Variants in ADGRL2 observed in about 807,000 individuals in gnomAD.
ADGRL2 encodes adhesion G protein-coupled receptor L2.
Under a neutral mutation model 157.4 loss-of-function variants are expected in ADGRL2, and 44 were observed. That is an observed-to-expected ratio of 0.28 (90% CI 0.22 to 0.36). The LOEUF (loss-of-function observed/expected upper bound fraction) is 0.36, where lower values mean the gene tolerates loss of function less well. Ranked by LOEUF, ADGRL2 falls within the 10% of genes least tolerant of loss-of-function variation. ADGRL2 has a pLI of 1.00. For missense variants in ADGRL2, 1,510 were observed against 1,768.9 expected, an observed-to-expected ratio of 0.85 and a Z score of 2.63; for synonymous variants, 585 against 624.7, an observed-to-expected ratio of 0.94 and a Z score of 0.95.
intron 1 of ADGRL2, among the ~76,000 whole-genome samples, chr1:81,363,310 T>G (rs1164898307): frequency 6.6e-6 from 1 of 152,126 alleles, no homozygotes. Flanking sequence ...AAAGGGTAAC[T>G]TAGTCATTAT....
intron 2 of ADGRL2, among the ~76,000 whole-genome samples, chr1:81,775,346 C>T (rs1446092207): frequency 1.3e-5 from 2 of 152,106 alleles, no homozygotes; most frequent in African/African-American, 2.4e-5. Flanking sequence ...TAATGGCATT[C>T]GGTCCTCCCA....
chr1:81,500,887 C>T (rs1486916656), intron 2 of ADGRL2, among the ~76,000 whole-genome samples: 1 of 152,160 alleles, frequency 6.6e-6, no homozygotes. Flanking sequence ...AATAGAGCCC[C>T]TTCTCCAAAG....
At chr1:81,743,750 G>A (rs949199753) in intron 1 of ADGRL2, among the ~76,000 whole-genome samples, 2 of 151,954 alleles carry the variant, frequency 1.3e-5, no homozygotes, top group African/African-American at 2.4e-5. Flanking sequence ...TTCTATTGTC[G>A]TAACCACATA....
At chr1:81,522,420 C>T (rs2079341379) in intron 2 of ADGRL2, among the ~76,000 whole-genome samples, 1 of 152,172 alleles carries the variant, frequency 6.6e-6, no homozygotes, top group African/African-American at 2.4e-5. Flanking sequence ...AGGATTACTA[C>T]ATTACTAGAG....
rs140846795 is a variant in ADGRL2, at chr1:81,971,855, C to T, written c.2958C>T (p.Cys986=). 464 of 1,594,924 alleles carry T rather than the reference C, an allele frequency of 2.9e-4. No individual in the cohort carries two copies. Among genetic ancestry groups the T allele is most frequent in the Non-Finnish European group, 3.3e-4 (387 of 1,163,782 alleles). ...DYKSYGTEKA[C]WLHVDNYFIW... The stretch of plus-strand genomic sequence containing the variant: ...TATTCTTCTCTTTTCATAATAGTTG[C>T]TGGCTTCATGTTGATAACTACTTTA... The change falls in exon 17 of 24, where the codon TGC becomes TGT. Residue 986 remains cysteine (C), a synonymous_variant. Coordinates refer to ENST00000686636, the MANE Select transcript of ADGRL2 (RefSeq NM_001366006.2).
chr1:81,931,962 C>T (rs576177572), intron 3 of ADGRL2, among the ~76,000 whole-genome samples: 28 of 152,202 alleles, frequency 1.8e-4, no homozygotes, highest in African/African-American at 5.5e-4. Flanking sequence ...AGACATTATT[C>T]GCAAGGCCTA....
intron 11 of ADGRL2, among the ~76,000 whole-genome samples, chr1:81,960,085 C>T (rs945378964): frequency 6.6e-6 from 1 of 152,136 alleles, no homozygotes; most frequent in African/African-American, 2.4e-5. Context: ...CAGGCATGAA[C>T]CACCATTCCT....
intron 2 of ADGRL2, among the ~76,000 whole-genome samples, chr1:81,765,888 T>C (rs2086099923): frequency 6.6e-6 from 1 of 152,132 alleles, no homozygotes; most frequent in Non-Finnish European, 1.5e-5. Context: ...ATTTATCAAG[T>C]GTCAATTTTT....
intron 1 of ADGRL2, among the ~76,000 whole-genome samples, chr1:81,401,461 T>C (rs987543038): frequency 6.6e-6 from 1 of 152,208 alleles, no homozygotes; most frequent in Admixed American, 6.5e-5. Context: ...TACTTCCTTC[T>C]GTTCTCTATG....
intron 3 of ADGRL2, among the ~76,000 whole-genome samples, chr1:81,642,056 A>C (rs1488157264): frequency 6.6e-6 from 1 of 150,434 alleles, no homozygotes; most frequent in Non-Finnish European, 1.5e-5. Flanking sequence ...CCTGGCCAAC[A>C]TGGCAAAACC....
At chr1:81,382,502 T>C (rs1213871961) in intron 1 of ADGRL2, among the ~76,000 whole-genome samples, 26 of 152,194 alleles carry the variant, frequency 1.7e-4, no homozygotes, top group Admixed American at 1.7e-3. Context: ...CTATTTTCAA[T>C]TGCACGCCAT....
At chr1:81,973,231 A>C (rs1429296655) in intron 17 of ADGRL2, among the ~76,000 whole-genome samples, 2 of 152,214 alleles carry the variant, frequency 1.3e-5, no homozygotes, top group Admixed American at 1.3e-4. Flanking sequence ...GAATTAAACC[A>C]GTAAAACATT....
chr1:81,810,987 G>A (rs1009412902), intron 1 of ADGRL2, among the ~76,000 whole-genome samples: 1 of 151,754 alleles, frequency 6.6e-6, no homozygotes, highest in African/African-American at 2.4e-5. Flanking sequence ...TGAATAAATA[G>A]GAATGTTCTC....
chr1:81,634,314 A>T (rs1013157017), intron 3 of ADGRL2, among the ~76,000 whole-genome samples: 19 of 152,130 alleles, frequency 1.2e-4, no homozygotes, highest in Non-Finnish European at 1.8e-4. Context: ...TTCCACAAAA[A>T]ATCCACAGTG....
In ADGRL2 at chr1:81,361,670, G is replaced by A. The variant is rs77569748; in HGVS notation, c.-302+55161G>A. Reference sequence around the variant, plus strand: ...AAGCAATCTGCTTTGACAATCTGATGCTTCCACTTTAAGCAACAGAGAGTG... The same window carrying A: ...AAGCAATCTGCTTTGACAATCTGATACTTCCACTTTAAGCAACAGAGAGTG... On this transcript the variant is annotated intron_variant, in intron 1 of 24. Coordinates refer to the ADGRL2 transcript ENST00000370721. Among the ~76,000 whole-genome samples the A allele has an allele frequency of 3.1e-3, 473 of 152,032 alleles. 7 individuals are homozygous for A. In the South Asian group the frequency reaches 0.048, roughly 15 times the overall value.
At chr1:81,535,967 A>AT (rs1187597352) in intron 2 of ADGRL2, among the ~76,000 whole-genome samples, 3 of 152,244 alleles carry the variant, frequency 2.0e-5, no homozygotes, top group African/African-American at 7.2e-5. Flanking sequence ...CTAACTGCAC[A>AT]TACAAACAGT....
At chr1:81,425,860 AATTTATTTATTT>A (rs34701013) in intron 1 of ADGRL2, among the ~76,000 whole-genome samples, 1 of 149,610 alleles carries the variant, frequency 6.7e-6, no homozygotes, top group Non-Finnish European at 1.5e-5. Context: ...AGAAAATACA[AATTTATTTATTT>A]ATTTATTTAT....
chr1:81,934,712 T>C (rs1012783757), intron 3 of ADGRL2, among the ~76,000 whole-genome samples: 7 of 151,926 alleles, frequency 4.6e-5, no homozygotes, highest in Non-Finnish European at 8.8e-5. Context: ...TTGGAGGAGT[T>C]TTTGTAATCA....
chr1:81,840,623 T>C (rs1294957631), intron 2 of ADGRL2, among the ~76,000 whole-genome samples: 4 of 152,090 alleles, frequency 2.6e-5, no homozygotes, highest in Admixed American at 2.6e-4. Context: ...AATCAAGTCT[T>C]ACCCATTAAA....
Sources: gnomAD v4.1 joint callset for allele counts (sites outside exome capture counted in the v4.1 genomes callset) on GRCh38, gnomAD v4.1.1 for gene constraint, MANE v1.5 for transcripts, NCBI Gene and HGNC (gene_info 2026-07-23, HGNC 2026-07-21) for gene names.